Variants in TRHDE observed in about 807,000 individuals in gnomAD.
The protein encoded by TRHDE is thyrotropin-releasing hormone-degrading ectoenzyme.
In TRHDE, 72 loss-of-function variants were observed where a neutral mutation model predicts 125.7. The observed-to-expected ratio is 0.57, with a 90% CI of 0.47 to 0.70. The LOEUF is 0.70. Ranked by LOEUF, TRHDE falls within the 30% of genes least tolerant of loss-of-function variation. The pLI, the probability that TRHDE is intolerant of heterozygous loss-of-function variation, is 0.00. For synonymous variants in TRHDE, 509 were observed against 509.1 expected (o/e 1.00, Z 0.00); for missense variants, 1,110 against 1,327.1 (o/e 0.84, Z 2.54).
chr12:72,459,772 A>G (rs1876038006), intron 3 of TRHDE, among the ~76,000 whole-genome samples: 1 of 152,090 alleles, frequency 6.6e-6, no homozygotes, highest in Non-Finnish European at 1.5e-5. Context: ...GGTTTGCACC[A>G]CCATGCCCAG....
intron 2 of TRHDE, among the ~76,000 whole-genome samples, chr12:72,131,220 C>T (rs1454109429): frequency 2.0e-5 from 3 of 151,520 alleles, no homozygotes; most frequent in South Asian, 2.1e-4. Flanking sequence ...TACAGGCGCC[C>T]GCCACCACGC....
chr12:72,622,816 A>G (rs969878721), intron 15 of TRHDE, among the ~76,000 whole-genome samples: 5 of 152,032 alleles, frequency 3.3e-5, no homozygotes, highest in African/African-American at 1.2e-4. Flanking sequence ...TCACTACATT[A>G]TTTAGTAACT....
intron 15 of TRHDE, among the ~76,000 whole-genome samples, chr12:72,634,428 T>C (rs899634266): frequency 6.6e-5 from 10 of 152,068 alleles, no homozygotes; most frequent in Non-Finnish European, 1.3e-4. Flanking sequence ...ATTTTCTTTT[T>C]TTTTTTTTTA....
At chr12:72,349,370 A>G (rs1246623144) in intron 2 of TRHDE, among the ~76,000 whole-genome samples, 1 of 152,088 alleles carries the variant, frequency 6.6e-6, no homozygotes, top group Non-Finnish European at 1.5e-5. Context: ...TTACATGGCA[A>G]TCTTGAAAGG....
intron 7 of TRHDE, among the ~76,000 whole-genome samples, chr12:72,555,624 C>T (rs1869884350): frequency 6.6e-6 from 1 of 152,148 alleles, no homozygotes; most frequent in Non-Finnish European, 1.5e-5. Context: ...TATGAATCCA[C>T]ATAGACACCT....
intron 6 of TRHDE, among the ~76,000 whole-genome samples, chr12:72,533,723 G>GTTTTTTTTTTTTTTCTTTT (rs1868689736): frequency 2.0e-5 from 2 of 97,898 alleles, no homozygotes; most frequent in Non-Finnish European, 4.6e-5. Flanking sequence ...TTTTCTATTT[G>GTTTTTTTTTTTTTTCTTTT]TTTTTTTTTT....
intron 2 of TRHDE, among the ~76,000 whole-genome samples, chr12:72,223,525 A>G (rs1878041266): frequency 6.6e-6 from 1 of 152,166 alleles, no homozygotes; most frequent in African/African-American, 2.4e-5. Context: ...GTAAGATCAC[A>G]GTTCTGTCTC....
chr12:72,323,317 A>T (rs1869184578), intron 2 of TRHDE, among the ~76,000 whole-genome samples: 1 of 152,174 alleles, frequency 6.6e-6, no homozygotes, highest in South Asian at 2.1e-4. Context: ...CTGGCAGGGA[A>T]TAATTTTCCA....
Position 72,618,970 on chromosome 12 carries a change from G to A in TRHDE, c.2401G>A (p.Ala801Thr). Residue 801 changes from alanine to threonine, a missense_variant, in exon 13 of 19, where the codon GCT (alanine) becomes ACT (threonine). Ala to Thr is a moderately conservative substitution (Grantham distance 58). Transcript: ENST00000261180. ...GGAGAAGGATTTTCTTCCTTGGCATGCTGCCAGCCGAGCTCTTTATCCTCT... is the reference window on the plus strand; with the variant it reads ...GGAGAAGGATTTTCTTCCTTGGCATACTGCCAGCCGAGCTCTTTATCCTCT... ...SEEKDFLPWH[A>T]ASRALYPLDK... is the part of the protein sequence containing the mutation. 1 of 1,602,740 alleles carries A rather than the reference G, an allele frequency of 6.2e-7. No homozygotes were observed. Among genetic ancestry groups the A allele is most frequent in the Admixed American group, 1.7e-5 (1 of 58,788 alleles).
intron 2 of TRHDE, among the ~76,000 whole-genome samples, chr12:72,137,879 A>C (rs1490931702): frequency 1.3e-5 from 2 of 152,236 alleles, no homozygotes; most frequent in Non-Finnish European, 2.9e-5. Context: ...AAGCACCTTG[A>C]GATTCCACAG....
intron 6 of TRHDE, among the ~76,000 whole-genome samples, chr12:72,524,053 T>C (rs190441450): frequency 6.6e-6 from 1 of 152,298 alleles, no homozygotes; most frequent in East Asian, 1.9e-4. Flanking sequence ...TCCTCTGCTG[T>C]GCACAGCATC....
rs1292065482 is a variant in TRHDE at position 72,273,234 on chromosome 12, G to A, written c.591G>A (p.Leu197=). Residue 197 remains leucine, a synonymous_variant, in exon 1 of 19, where the codon CTG becomes CTA. Transcript: ENST00000261180. The surrounding 1 kb of genome is among the most constrained non-coding windows in gnomAD (Gnocchi z 5.3). The part of the protein sequence containing the change: ...SGHLKPLHYN[L]MLTAFMENFT... ...ACCTGAAGCCGCTGCACTACAATCT[G>A]ATGCTCACCGCCTTCATGGAGAACT... 4 of 1,613,738 alleles carry A rather than the reference G, an allele frequency of 2.5e-6. No homozygotes were observed. In the Middle Eastern group the frequency reaches 6.6e-4, roughly 265 times the overall value.
At chr12:72,639,606 C>T (rs1329494525) in intron 15 of TRHDE, among the ~76,000 whole-genome samples, 138 of 152,140 alleles carry the variant, frequency 9.1e-4, no homozygotes, top group African/African-American at 2.8e-3. Flanking sequence ...AGTTTTTCTG[C>T]TCTGTTTTTT....
At chr12:72,181,217 G>C (rs1053485846) in intron 2 of TRHDE, among the ~76,000 whole-genome samples, 4 of 152,122 alleles carry the variant, frequency 2.6e-5, no homozygotes, top group Non-Finnish European at 4.4e-5. Flanking sequence ...GTAGTAGGAA[G>C]GGGTGAAGGA....
At chr12:72,284,460 T>C (rs1462052671) in intron 1 of TRHDE, among the ~76,000 whole-genome samples, 1 of 152,136 alleles carries the variant, frequency 6.6e-6, no homozygotes. Context: ...GATAAAAGCA[T>C]ATGAAGACAA....
intron 12 of TRHDE, among the ~76,000 whole-genome samples, chr12:72,583,551 C>G (rs2136039258): frequency 6.6e-6 from 1 of 152,304 alleles, no homozygotes; most frequent in Non-Finnish European, 1.5e-5. Context: ...CAAAACACCT[C>G]TAAATTAGTC....
intron 3 of TRHDE, among the ~76,000 whole-genome samples, chr12:72,394,722 C>T (rs1384729020): frequency 6.6e-6 from 1 of 152,166 alleles, no homozygotes; most frequent in Admixed American, 6.5e-5. Context: ...TTGCAGCATA[C>T]AAGCCTACAA....
intron 3 of TRHDE, among the ~76,000 whole-genome samples, chr12:72,450,436 A>G (rs963988206): frequency 4.7e-4 from 71 of 152,094 alleles, no homozygotes; most frequent in African/African-American, 1.7e-3. Context: ...AAAATTGTAT[A>G]TCCTTAACAT....
intron 2 of TRHDE, among the ~76,000 whole-genome samples, chr12:72,203,580 C>T (rs1317740877): frequency 6.6e-6 from 1 of 152,132 alleles, no homozygotes; most frequent in Non-Finnish European, 1.5e-5. Context: ...AAAGTCTGAA[C>T]CTATTTTATG....
Sources: allele counts gnomAD v4.1 joint callset (sites outside exome capture counted in the v4.1 genomes callset), GRCh38; gene constraint gnomAD v4.1.1; non-coding constraint Gnocchi (gnomAD v3.1); transcripts MANE v1.5; gene names NCBI Gene and HGNC (gene_info 2026-07-23, HGNC 2026-07-21).